The following RYR2 variants were observed in gnomAD, a reference collection of about 807,000 sequenced individuals.
The protein encoded by RYR2 is ryanodine receptor 2, also known as cardiac muscle ryanodine receptor-calcium release channel.
In RYR2, 227 loss-of-function variants were observed where a neutral mutation model predicts 601.1. The ratio of observed to expected loss-of-function variants is 0.38; its 90% confidence interval spans 0.34 to 0.42. RYR2 has a LOEUF of 0.42. Among genes scored for constraint, RYR2 ranks in the 10% least tolerant of loss-of-function variants. RYR2 has a pLI of 1.00. For missense variants in RYR2, 4,646 were observed against 6,156.5 expected (o/e 0.75, Z 8.21); for synonymous variants, 2,223 against 2,175.1 (o/e 1.02, Z -0.61).
intron 59 of RYR2, 73 bp from the exon 60 acceptor site, chr1:237,674,658 T>G: frequency 1.3e-6 from 1 of 752,932 alleles, no homozygotes; most frequent in Non-Finnish European, 2.4e-6. Flanking sequence ...CATATATATA[T>G]ACACACACAC....
In RYR2 at chr1:237,550,657, C is replaced by T. The variant is rs398123540; in HGVS notation, c.3180C>T (p.Tyr1060=). Residue 1060 remains tyrosine (Y), a synonymous_variant, in exon 27 of 105, where the codon TAC becomes TAT. Transcript: ENST00000366574. ...AGGCTGTGCGCACGCTGCTGGGGTA[C>T]GGCTACAACTTGGAAGCACCAGATC... The part of the protein sequence containing the change: ...LREAVRTLLG[Y]GYNLEAPDQD... 16 of 1,565,696 alleles carry T rather than the reference C, an allele frequency of 1.0e-5. No individual in the cohort carries two copies. In the East Asian group the frequency reaches 1.2e-4, roughly 11 times the overall value.
intron 84 of RYR2, among the ~76,000 whole-genome samples, chr1:237,762,551 T>C (rs976456840): frequency 3.9e-5 from 6 of 152,254 alleles, no homozygotes; most frequent in African/African-American, 1.2e-4. Flanking sequence ...GCTGTTCATA[T>C]CAGCTCCCAA....
intron 2 of RYR2, among the ~76,000 whole-genome samples, chr1:237,296,686 G>T (rs551222518): frequency 6.6e-6 from 1 of 152,214 alleles, no homozygotes; most frequent in Non-Finnish European, 1.5e-5. Context: ...GAGTCATTGG[G>T]TTATATTATG....
chr1:237,514,137 T>A (rs1009098478), intron 24 of RYR2, among the ~76,000 whole-genome samples: 60 of 152,236 alleles, frequency 3.9e-4, no homozygotes, highest in African/African-American at 1.1e-3. Flanking sequence ...TAGTAATTCA[T>A]AGCAGCTCAT....
chr1:237,241,978 T>C (rs115330277), intron 1 of RYR2, among the ~76,000 whole-genome samples: 1,950 of 152,314 alleles, frequency 0.013, 23 homozygotes, highest in South Asian at 0.05. Flanking sequence ...TAGCAGGGTC[T>C]TGTGACCTGT....
At chr1:237,166,260 ATAT>A (rs1258227238) in intron 1 of RYR2, among the ~76,000 whole-genome samples, 1 of 152,186 alleles carries the variant, frequency 6.6e-6, no homozygotes, top group Non-Finnish European at 1.5e-5. Flanking sequence ...TGCTTCTCTG[ATAT>A]TATTTGTCAG....
Position 237,530,528 on chromosome 1 carries a change from G to A in RYR2, c.2906+18G>A. 1 of 1,542,374 alleles carries A rather than the reference G, an allele frequency of 6.5e-7. No individual in the cohort carries two copies. The highest frequency in any genetic ancestry group is 8.9e-7 in the Non-Finnish European group (1 of 1,126,540). ...CCCAAGAAGTAAGTTGAATGACTAA[G>A]CAATATTAAATAATCTGTGTAGAGA... On this transcript the variant is annotated intron_variant, in intron 25 of 104. Transcript: ENST00000366574.
intron 2 of RYR2, among the ~76,000 whole-genome samples, chr1:237,279,136 G>C (rs956483749): frequency 6.6e-6 from 1 of 152,156 alleles, no homozygotes; most frequent in African/African-American, 2.4e-5. Flanking sequence ...TTCAAGGACT[G>C]AGGATGTTTA....
intron 11 of RYR2, among the ~76,000 whole-genome samples, chr1:237,417,686 T>C (rs1234473542): frequency 6.6e-6 from 1 of 152,208 alleles, no homozygotes; most frequent in Non-Finnish European, 1.5e-5. Context: ...AGAGTTTTTA[T>C]ATATTAATAT....
chr1:237,095,782 T>C (rs765061182), intron 1 of RYR2, among the ~76,000 whole-genome samples: 13 of 152,190 alleles, frequency 8.5e-5, no homozygotes, highest in Non-Finnish European at 1.6e-4. Flanking sequence ...TGTGATAAGC[T>C]ACTCACTGCA....
intron 1 of RYR2, among the ~76,000 whole-genome samples, chr1:237,131,710 C>A (rs531774677): frequency 6.6e-6 from 1 of 152,156 alleles, no homozygotes; most frequent in South Asian, 2.1e-4. Flanking sequence ...CTGTAATGAT[C>A]CCTGCTTTCA....
chr1:237,277,298 C>T (rs1458697665), intron 2 of RYR2, among the ~76,000 whole-genome samples: 6 of 152,150 alleles, frequency 3.9e-5, no homozygotes, highest in Non-Finnish European at 5.9e-5. Context: ...TCAAAATCAG[C>T]ACTTTCTTTA....
At chr1:237,337,728 C>T (rs1382875896) in intron 3 of RYR2, among the ~76,000 whole-genome samples, 1 of 152,138 alleles carries the variant, frequency 6.6e-6, no homozygotes, top group South Asian at 2.1e-4. Flanking sequence ...CCTATCAGAT[C>T]TGATCCTTCT....
chr1:237,088,868 T>C (rs1461822922), intron 1 of RYR2, among the ~76,000 whole-genome samples: 1 of 152,234 alleles, frequency 6.6e-6, no homozygotes, highest in African/African-American at 2.4e-5. Context: ...AAGGACAGTA[T>C]TCAGAGACAA....
chr1:237,367,996 T>C (rs1253994074), intron 5 of RYR2, among the ~76,000 whole-genome samples: 1 of 152,092 alleles, frequency 6.6e-6, no homozygotes, highest in African/African-American at 2.4e-5. Flanking sequence ...AGGGTTCTTG[T>C]GTAGAGTGTA....
intron 3 of RYR2, among the ~76,000 whole-genome samples, chr1:237,334,673 C>G (rs1397620329): frequency 1.3e-5 from 2 of 152,110 alleles, no homozygotes. Context: ...TCTTTGGCCC[C>G]GTTTTCTCTG....
intron 78 of RYR2, 60 bp downstream of exon 78, chr1:237,732,209 A>C: frequency 1.0e-6 from 1 of 979,654 alleles, no homozygotes; most frequent in Non-Finnish European, 1.6e-6. Flanking sequence ...CCCGTGTCTG[A>C]GTATTCTGTG....
At chr1:237,715,638 T>C (rs1372067610) in intron 71 of RYR2, among the ~76,000 whole-genome samples, 1 of 152,134 alleles carries the variant, frequency 6.6e-6, no homozygotes, top group Non-Finnish European at 1.5e-5. Context: ...ACTTTACAGG[T>C]TAAAATCAAT....
At chr1:237,156,107 C>G (rs901224573) in intron 1 of RYR2, among the ~76,000 whole-genome samples, 5 of 152,176 alleles carry the variant, frequency 3.3e-5, no homozygotes, top group African/African-American at 1.2e-4. Flanking sequence ...GGCTTGGGCT[C>G]TGTGTTCTCT....
Sources: gnomAD v4.1 joint callset for allele counts (sites outside exome capture counted in the v4.1 genomes callset) on GRCh38, gnomAD v4.1.1 for gene constraint, MANE v1.5 for transcripts, NCBI Gene and HGNC (gene_info 2026-07-23, HGNC 2026-07-21) for gene names.